Variants in KIF5C observed in about 807,000 individuals in gnomAD.
KIF5C encodes kinesin heavy chain isoform 5C.
KIF5C carries 18 observed loss-of-function variants against 125.2 expected under a neutral mutation model. The ratio of observed to expected loss-of-function variants is 0.14; its 90% confidence interval spans 0.10 to 0.21. KIF5C has a LOEUF of 0.21. KIF5C is among the 10% of genes least tolerant of loss of function. The pLI is 1.00. For synonymous variants in KIF5C, 405 were observed against 434.0 expected (o/e 0.93, Z 0.83); for missense variants, 780 against 1,183.8 (o/e 0.66, Z 5.01).
intron 10 of KIF5C, among the ~76,000 whole-genome samples, chr2:148,951,457 C>T (rs1368953039): frequency 6.6e-6 from 1 of 152,036 alleles, no homozygotes; most frequent in Non-Finnish European, 1.5e-5. Context: ...TCTTTTTTAC[C>T]TACCCCCTCC....
chr2:148,904,914 C>G (rs1681045013), intron 1 of KIF5C, among the ~76,000 whole-genome samples: 1 of 152,172 alleles, frequency 6.6e-6, no homozygotes, highest in Non-Finnish European at 1.5e-5. Flanking sequence ...ATTCCTCTTT[C>G]AGCCCTTCTG....
At position 149,010,996 on chromosome 2, in the gene KIF5C, T is replaced by G. The variant is rs76741807; in HGVS notation, c.2768-574T>G. On this transcript the variant is annotated intron_variant, in intron 24 of 25. Coordinates refer to ENST00000435030, the MANE Select transcript of KIF5C (RefSeq NM_004522.3). ...ATTTAGGAATATTCTCTAAACAGCT[T>G]CTTCTCCTTTTTTTTTTTTTTAAAT... Among the ~76,000 whole-genome samples, 145 of 150,826 alleles carry G rather than the reference T, an allele frequency of 9.6e-4. No homozygotes were observed. The East Asian group carries it at 0.026, about 27-fold the overall frequency.
chr2:148,905,014 C>T (rs540009432), intron 1 of KIF5C, among the ~76,000 whole-genome samples: 1 of 152,300 alleles, frequency 6.6e-6, no homozygotes, highest in Non-Finnish European at 1.5e-5. Context: ...AAGAACAGGT[C>T]CTAGGCTTGG....
At chr2:148,938,221 A>T (rs1261971752) in intron 4 of KIF5C, among the ~76,000 whole-genome samples, 1 of 152,174 alleles carries the variant, frequency 6.6e-6, no homozygotes, top group Non-Finnish European at 1.5e-5. Context: ...CATTTTGTGG[A>T]GGATGAAGTG....
At chr2:148,974,242 A>G (rs1275350205) in intron 12 of KIF5C, among the ~76,000 whole-genome samples, 1 of 152,246 alleles carries the variant, frequency 6.6e-6, no homozygotes, top group East Asian at 1.9e-4. Flanking sequence ...CCCTTGGAAT[A>G]TTCTAAATCC....
At chr2:148,895,144 T>C (rs1157085800) in intron 1 of KIF5C, among the ~76,000 whole-genome samples, 1 of 152,026 alleles carries the variant, frequency 6.6e-6, no homozygotes, top group Non-Finnish European at 1.5e-5. Flanking sequence ...AAGCACTCCC[T>C]GGAATTTTGC....
At chr2:148,993,579 A>G (rs1459977259) in intron 16 of KIF5C, among the ~76,000 whole-genome samples, 1 of 152,214 alleles carries the variant, frequency 6.6e-6, no homozygotes, top group African/African-American at 2.4e-5. Context: ...TGCTTATAAG[A>G]TGACTGTTCC....
At chr2:148,936,095 C>A (rs1304618419) in intron 3 of KIF5C, among the ~76,000 whole-genome samples, 1 of 152,102 alleles carries the variant, frequency 6.6e-6, no homozygotes, top group Non-Finnish European at 1.5e-5. Flanking sequence ...TGGAGACCAG[C>A]CTTGGCAACA....
Position 149,018,635 on chromosome 2 carries a change from C to A in KIF5C, c.*8-4443C>A, listed in dbSNP as rs115248849. ...CTTGAGGCCAGGCGTTTGAAACCAG[C>A]CTTAGCGAGACTCTGTCTCAATAAT... On this transcript the variant is annotated intron_variant, in intron 25 of 25. Transcript: ENST00000435030. 8.3e-3 allele frequency among the ~76,000 whole-genome samples: 1,260 copies of A among 152,206 alleles called. 10 individuals carry two copies. The highest frequency in any genetic ancestry group is 0.015 in the Non-Finnish European group (988 of 68,016).
chr2:149,014,115 C>A (rs970903373), intron 25 of KIF5C, among the ~76,000 whole-genome samples: 3 of 152,168 alleles, frequency 2.0e-5, no homozygotes, highest in African/African-American at 7.2e-5. Flanking sequence ...TCCTCTGCCT[C>A]CTGGGTTCAA....
At chr2:148,998,633 G>A in intron 19 of KIF5C, 124 bp downstream of exon 19, 2 of 1,430,494 alleles carry the variant, frequency 1.4e-6, no homozygotes, top group Non-Finnish European at 1.9e-6. Context: ...CACTGCCCTG[G>A]TGACACAGCA....
At chr2:148,954,337 A>C (rs1276947657) in intron 10 of KIF5C, among the ~76,000 whole-genome samples, 1 of 152,244 alleles carries the variant, frequency 6.6e-6, no homozygotes, top group South Asian at 2.1e-4. Flanking sequence ...AGCCAGACTC[A>C]AATTAGAGCA....
In KIF5C at chr2:148,875,706, T is replaced by C; in HGVS notation, c.89T>C (p.Ile30Thr). 1 of 1,601,732 alleles carries C rather than the reference T, an allele frequency of 6.2e-7. No individual in the cohort carries two copies. Among genetic ancestry groups the C allele is most frequent in the Non-Finnish European group, 8.5e-7 (1 of 1,174,684 alleles). ...EAEILRGDKF[I>T]PKFKGDETVV... ...GAGATCCTCCGCGGGGACAAATTCA[T>C]CCCCAAATTTAAAGGCGATGAGACC... The change falls in exon 1 of 26, where the codon ATC becomes ACC. Residue 30 changes from isoleucine (I) to threonine (T), a missense_variant. Ile to Thr is a moderately conservative substitution (Grantham distance 89, BLOSUM62 -1). This residue lies in a region of KIF5C where 207 missense variants were observed against 441.2 expected (regional missense o/e 0.47). Transcript: ENST00000435030.
intron 10 of KIF5C, among the ~76,000 whole-genome samples, chr2:148,957,336 C>CT (rs1682815848): frequency 1.3e-5 from 2 of 149,648 alleles, no homozygotes; most frequent in Non-Finnish European, 3.0e-5. Context: ...ATTTTTTTTT[C>CT]TTTTTTTCCT....
At position 149,010,482 on chromosome 2, in the gene KIF5C, C is replaced by T. The variant is rs150707150; in HGVS notation, c.2767+131C>T. 4.6e-5 allele frequency: 65 copies of T among 1,422,762 alleles called. No homozygotes were observed. In the South Asian group the frequency reaches 5.4e-4, roughly 12 times the overall value. The allele number at this position is 1,422,762 out of a possible 1,614,324, so 88.1% of individuals were successfully genotyped here. A position where few individuals can be genotyped will look rare whatever the true frequency, so the allele number is the denominator to read the frequency against. On this transcript the variant is annotated intron_variant, in intron 24 of 25. Transcript: ENST00000435030. ...AAAGGCTGGGTTGGAGCCCGCAGGACGCAGCCCTCACCGCACCCTGTGCTC... is the reference window on the plus strand; with the variant it reads ...AAAGGCTGGGTTGGAGCCCGCAGGATGCAGCCCTCACCGCACCCTGTGCTC...
At chr2:148,897,513 C>T (rs1288334023) in intron 1 of KIF5C, among the ~76,000 whole-genome samples, 2 of 152,154 alleles carry the variant, frequency 1.3e-5, no homozygotes, top group Admixed American at 1.3e-4. Context: ...TTTATTAATG[C>T]AATAAATATT....
At chr2:148,952,210 C>G (rs1682682241) in intron 10 of KIF5C, among the ~76,000 whole-genome samples, 1 of 152,142 alleles carries the variant, frequency 6.6e-6, no homozygotes, top group African/African-American at 2.4e-5. Context: ...ACAATTTCCT[C>G]TGAAGACATG....
intron 4 of KIF5C, 58 bp downstream of exon 4, chr2:148,937,446 T>A: frequency 1.3e-6 from 2 of 1,523,076 alleles, no homozygotes; most frequent in Non-Finnish European, 1.8e-6. Flanking sequence ...ACGTTTCTTA[T>A]ACCTCCTCCT....
intron 17 of KIF5C, among the ~76,000 whole-genome samples, chr2:148,996,320 A>T (rs1039277883): frequency 3.3e-5 from 5 of 152,232 alleles, no homozygotes; most frequent in Admixed American, 6.5e-5. Flanking sequence ...CGCCAAGGCA[A>T]ATTTAAAAAG....
Sources: gnomAD v4.1 joint callset for allele counts (sites outside exome capture counted in the v4.1 genomes callset) on GRCh38, gnomAD v4.1.1 for gene constraint, gnomAD v4.1.1 regional missense constraint, MANE v1.5 for transcripts, NCBI Gene and HGNC (gene_info 2026-07-23, HGNC 2026-07-21) for gene names.